Variants in ACAP2 observed in about 807,000 individuals in gnomAD.
ACAP2 encodes arf-GAP with coiled-coil, ANK repeat and PH domain-containing protein 2.
ACAP2 carries 39 observed loss-of-function variants against 115.8 expected under a neutral mutation model. The ratio of observed to expected loss-of-function variants is 0.34; its 90% CI spans 0.26 to 0.44. ACAP2 has a LOEUF of 0.44. Among genes scored for constraint, ACAP2 ranks in the 20% least tolerant of loss-of-function variants. The probability of loss-of-function intolerance (pLI) is 1.00; values close to 1 mark genes in which losing one functional copy is unlikely to be tolerated. For missense variants in ACAP2, 662 were observed against 927.6 expected (o/e 0.71, Z 3.72); for synonymous variants, 289 against 315.8 (o/e 0.92, Z 0.90).
chr3:195,425,054 AG>A (rs1714578286), intron 1 of ACAP2, among the ~76,000 whole-genome samples: 2 of 148,918 alleles, frequency 1.3e-5, no homozygotes, highest in African/African-American at 2.5e-5. Context: ...AAAAAAAAAA[AG>A]AGTTGATTGA....
At chr3:195,423,718 C>T (rs1385458273) in intron 1 of ACAP2, among the ~76,000 whole-genome samples, 11 of 150,468 alleles carry the variant, frequency 7.3e-5, no homozygotes, top group East Asian at 3.9e-4. Flanking sequence ...TAGCAAAAAA[C>T]GCAACCATAA....
rs537998954 is a variant in ACAP2, at chr3:195,400,193, C to A, written c.54-8046G>T. Among the ~76,000 whole-genome samples the A allele has an allele frequency of 5.1e-4, 76 of 149,648 alleles. 1 individual carries two copies. Among genetic ancestry groups the A allele is most frequent in the African/African-American group, 1.4e-3 (55 of 40,516 alleles). On this transcript the variant is annotated intron_variant, in intron 1 of 22. Coordinates refer to ENST00000326793, the MANE Select transcript of ACAP2 (RefSeq NM_012287.6). Reference sequence around the variant, plus strand: ...CAGTCCGTCTCAAAAAAAAAAACAACAAAAAAATACGTATGTGTATATATA... The same window carrying A: ...CAGTCCGTCTCAAAAAAAAAAACAAAAAAAAAATACGTATGTGTATATATA...
chr3:195,319,990 G>A (rs1729344391), intron 10 of ACAP2, among the ~76,000 whole-genome samples: 1 of 152,160 alleles, frequency 6.6e-6, no homozygotes, highest in East Asian at 1.9e-4. Context: ...CATGGGAGCG[G>A]TTTCCCCCAT....
chr3:195,332,354 A>G (rs893747877), intron 8 of ACAP2, among the ~76,000 whole-genome samples: 1 of 152,314 alleles, frequency 6.6e-6, no homozygotes. Context: ...AAATTTAAAT[A>G]TAAGTCCAGT....
Position 195,295,839 on chromosome 3 carries a change from T to C in ACAP2, c.1541A>G (p.Asp514Gly), listed in dbSNP as rs761707480. The change falls in exon 17 of 23, where the codon GAT (aspartate) becomes GGT (glycine). Residue 514 changes from aspartate (D) to glycine (G), a missense_variant. Asp to Gly is a moderately conservative substitution (Grantham distance 94, BLOSUM62 -1). Coordinates refer to ENST00000326793, the MANE Select transcript of ACAP2 (RefSeq NM_012287.6). ...RAKYVERKFV[D>G]KYSISLSPPE... ...AGGTGATAATGATATAGAATATTTATCCACAAATTTCCTCTCCACATATTT... is the reference window on the plus strand; with the variant it reads ...AGGTGATAATGATATAGAATATTTACCCACAAATTTCCTCTCCACATATTT... 2 of 1,613,896 alleles carry C rather than the reference T, an allele frequency of 1.2e-6. No individual in the cohort carries two copies. The highest frequency in any genetic ancestry group is 1.3e-5 in the African/African-American group (1 of 75,018).
chr3:195,394,862 G>A (rs1372015591), intron 1 of ACAP2, among the ~76,000 whole-genome samples: 2 of 151,814 alleles, frequency 1.3e-5, no homozygotes, highest in African/African-American at 4.8e-5. Context: ...AAGTTACAGT[G>A]AGCTATGACT....
At chr3:195,300,044 C>CTTTTTTTTTTTTTTTTTTT (rs765234326) in intron 15 of ACAP2, among the ~76,000 whole-genome samples, 10 of 34,344 alleles carry the variant, frequency 2.9e-4, no homozygotes, top group Admixed American at 5.4e-4. Flanking sequence ...CTTTTTTTTT[C>CTTTTTTTTTTTTTTTTTTT]TTTTTTTTTT....
At chr3:195,399,606 T>G (rs1204160460) in intron 1 of ACAP2, among the ~76,000 whole-genome samples, 1 of 143,172 alleles carries the variant, frequency 7.0e-6, no homozygotes, top group Non-Finnish European at 1.5e-5. Flanking sequence ...AAAACTTTTT[T>G]TAAAAAAAGT....
intron 4 of ACAP2, among the ~76,000 whole-genome samples, chr3:195,362,373 T>C (rs1577358633): frequency 6.6e-6 from 1 of 151,644 alleles, no homozygotes; most frequent in Non-Finnish European, 1.5e-5. Flanking sequence ...CAGATGGCTT[T>C]ACTTCAAAAT....
chr3:195,346,120 T>A (rs2108657177), intron 4 of ACAP2, among the ~76,000 whole-genome samples: 1 of 152,334 alleles, frequency 6.6e-6, no homozygotes. Flanking sequence ...TTCTCCTGAA[T>A]ACTACATACA....
At chr3:195,419,375 T>C (rs1168892264) in intron 1 of ACAP2, 1 of 152,164 alleles carries the variant, frequency 6.6e-6, no homozygotes, top group East Asian at 1.9e-4. Context: ...TTGAAAGTTA[T>C]TTCACTTTTT....
At chr3:195,418,668 A>T (rs1341040454) in intron 1 of ACAP2, among the ~76,000 whole-genome samples, 1 of 152,126 alleles carries the variant, frequency 6.6e-6, no homozygotes, top group Non-Finnish European at 1.5e-5. Context: ...GGCCTCAAGC[A>T]ATCCTCCCAC....
chr3:195,293,757 G>A (rs548551285), intron 18 of ACAP2, among the ~76,000 whole-genome samples: 38 of 152,144 alleles, frequency 2.5e-4, no homozygotes, highest in Non-Finnish European at 3.8e-4. Context: ...GGAGAACTGC[G>A]TGAACAGAAG....
intron 8 of ACAP2, among the ~76,000 whole-genome samples, chr3:195,329,080 A>C (rs1338250280): frequency 1.2e-5 from 1 of 81,352 alleles, no homozygotes; most frequent in African/African-American, 4.0e-5. Flanking sequence ...ACTCCGTCTC[A>C]AAAAAAAAAA....
intron 1 of ACAP2, among the ~76,000 whole-genome samples, chr3:195,431,096 C>T (rs926396792): frequency 1.3e-5 from 2 of 152,324 alleles, no homozygotes; most frequent in African/African-American, 2.4e-5. Context: ...TTTGGCTCTA[C>T]AAATTTGCCT....
intron 1 of ACAP2, among the ~76,000 whole-genome samples, chr3:195,394,917 C>CT (rs57869834): frequency 0.25 from 32,879 of 134,164 alleles, 4,833 homozygotes; most frequent in East Asian, 0.72. Flanking sequence ...GACTCCATCT[C>CT]TTTTTTTTTT....
chr3:195,411,735 A>T (rs565067875), intron 1 of ACAP2, among the ~76,000 whole-genome samples: 1 of 152,280 alleles, frequency 6.6e-6, no homozygotes, highest in South Asian at 2.1e-4. Flanking sequence ...AATAAAATAA[A>T]TATGCAGCAT....
At chr3:195,344,991 T>C (rs888083060) in intron 5 of ACAP2, among the ~76,000 whole-genome samples, 1 of 152,240 alleles carries the variant, frequency 6.6e-6, no homozygotes, top group African/African-American at 2.4e-5. Flanking sequence ...TTATTTACAT[T>C]AAAAATATTT....
At chr3:195,284,300 G>A (rs944206709) in intron 22 of ACAP2, among the ~76,000 whole-genome samples, 1 of 152,094 alleles carries the variant, frequency 6.6e-6, no homozygotes, top group African/African-American at 2.4e-5. Context: ...AAACACAAAG[G>A]CCTCAAAAAC....
Sources: allele counts gnomAD v4.1 joint callset (sites outside exome capture counted in the v4.1 genomes callset), GRCh38; gene constraint gnomAD v4.1.1; transcripts MANE v1.5; gene names NCBI Gene and HGNC (gene_info 2026-07-23, HGNC 2026-07-21).